The following MINK1 variants were observed in gnomAD, a reference collection of about 807,000 sequenced individuals.
The protein encoded by MINK1 is misshapen-like kinase 1.
A neutral mutation model predicts 178.4 loss-of-function variants in MINK1; 46 were observed. That is an observed-to-expected ratio of 0.26 (90% confidence interval 0.20 to 0.33). The LOEUF (loss-of-function observed/expected upper bound fraction) is 0.33. Among genes scored for constraint, MINK1 ranks in the 10% least tolerant of loss-of-function variants. The pLI is 1.00. For missense variants in MINK1, 1,366 were observed against 1,814.9 expected, an observed-to-expected ratio of 0.75 and a Z score of 4.49; for synonymous variants, 797 against 709.7, an observed-to-expected ratio of 1.12 and a Z score of -1.96.
In MINK1 at chr17:4,896,885, T is replaced by G. The variant is rs758820679; in HGVS notation, c.3915+72T>G. 2.7e-6 allele frequency: 4 copies of G among 1,491,710 alleles called. No individual in the cohort carries two copies. Among genetic ancestry groups the G allele is most frequent in the Non-Finnish European group, 2.7e-6 (3 of 1,122,044 alleles). The allele number at this position is 1,491,710 out of a possible 1,614,324, so 92.4% of individuals were successfully genotyped here. On this transcript the variant is annotated intron_variant, in intron 31 of 31. Transcript: ENST00000355280. This position sits in a 1 kb window ranked among gnomAD's most constrained non-coding sequence, Gnocchi z 4.6. The stretch of plus-strand genomic sequence containing the variant: ...GACCCTAGGCCCCTGGGCAGAGTTC[T>G]GGGGAGAGGATGGTGGTGGTGGCTT...
chr17:4,843,339 A>G lies in MINK1; in HGVS notation c.57+9699A>G, dbSNP rs1017648305. 3.9e-5 allele frequency among the ~76,000 whole-genome samples: 6 copies of G among 152,158 alleles called. 1 individual carries two copies. In the Middle Eastern group the frequency reaches 0.02, roughly 518 times the overall value. The stretch of plus-strand genomic sequence containing the variant: ...TAAAAATACAAAAAATTAGCCAGGC[A>G]TGGTGGGAGGCACCTGTAATCCCAG... On this transcript the variant is annotated intron_variant, in intron 1 of 31. Transcript: ENST00000355280.
intron 1 of MINK1, among the ~76,000 whole-genome samples, chr17:4,862,315 GAAT>G (rs1041817301): frequency 2.0e-5 from 3 of 152,150 alleles, no homozygotes; most frequent in Non-Finnish European, 4.4e-5. Flanking sequence ...TGTAAAGTGA[GAAT>G]AATAATAATA....
chr17:4,841,929 T>C (rs1264261007), intron 1 of MINK1, among the ~76,000 whole-genome samples: 3 of 152,036 alleles, frequency 2.0e-5, no homozygotes, highest in Non-Finnish European at 4.4e-5. Flanking sequence ...GAGGATTAAC[T>C]GTCTTGGGAG....
intron 1 of MINK1, among the ~76,000 whole-genome samples, chr17:4,862,142 T>A (rs1914262908): frequency 6.6e-6 from 1 of 152,126 alleles, no homozygotes. Flanking sequence ...TGTTGTGGTC[T>A]GGCTTGTTGG....
Position 4,891,185 on chromosome 17 carries a change from T to TAC in MINK1, c.1740+70_1740+71dup, listed in dbSNP as rs531380817. 3.7e-4 allele frequency: 447 copies of TAC among 1,208,192 alleles called. 6 individuals carry two copies. In the South Asian group the frequency reaches 7.2e-3, roughly 19 times the overall value. 74.8% of individuals were successfully genotyped at this position (1,208,192 alleles called of 1,614,324 possible). A position where few individuals can be genotyped will look rare whatever the true frequency, so the allele number is the denominator to read the frequency against. The stretch of plus-strand genomic sequence containing the variant: ...CAGGGAGCTTTGTTCAGAGCACAGG[T>TAC]ACACACACACGCGCGCACACACACA... On this transcript the variant is annotated intron_variant, in intron 15 of 31. Coordinates refer to ENST00000355280, the MANE Select transcript of MINK1 (RefSeq NM_153827.5).
At chr17:4,866,614 A>G (rs1158297300) in intron 1 of MINK1, among the ~76,000 whole-genome samples, 17 of 151,536 alleles carry the variant, frequency 1.1e-4, no homozygotes, top group African/African-American at 4.1e-4. Context: ...TCTACCAAAA[A>G]AAAAAAAAAA....
chr17:4,880,530 G>A (rs1308942627), intron 2 of MINK1, among the ~76,000 whole-genome samples: 5 of 148,976 alleles, frequency 3.4e-5, no homozygotes, highest in Admixed American at 6.6e-5. Context: ...CAAGTGATCC[G>A]CCTGCCTCGG....
rs771715354 is a variant in MINK1, at chr17:4,897,663, C to T, written c.*376C>T. ...GCCCTGGACCCCTTTATTTGCACGT[C>T]AGGGGAGCCGGCTCCCCCCTTGAAT... On this transcript the variant is annotated 3_prime_UTR_variant, in exon 32 of 32. Transcript: ENST00000355280. 2.4e-5 allele frequency: 4 copies of T among 169,998 alleles called. No individual in the cohort carries two copies. The highest frequency in any genetic ancestry group is 3.8e-5 in the Non-Finnish European group (3 of 79,810). 10.5% of individuals were successfully genotyped at this position (169,998 alleles called of 1,614,324 possible). A position where few individuals can be genotyped will look rare whatever the true frequency, so the allele number is the denominator to read the frequency against.
At position 4,881,046 on chromosome 17, in the gene MINK1, G is replaced by T. The variant is rs754643081; in HGVS notation, c.180+6G>T. The T allele has an allele frequency of 5.2e-6, 8 of 1,533,466 alleles. No homozygotes were observed. In the Admixed American group the frequency reaches 5.9e-5, roughly 11 times the overall value. 95.0% of individuals were successfully genotyped at this position (1,533,466 alleles called of 1,614,324 possible). A position where few individuals can be genotyped will look rare whatever the true frequency, so the allele number is the denominator to read the frequency against. On this transcript the variant is annotated splice_donor_region_variant and intron_variant, in intron 3 of 31. Coordinates refer to ENST00000355280, the MANE Select transcript of MINK1 (RefSeq NM_153827.5). Reference sequence around the variant, plus strand: ...AGGTCATGGATGTCACGGAGGTAGGGAGTGGAGCTGGGCAGTGGGAGGGTC... The same window carrying T: ...AGGTCATGGATGTCACGGAGGTAGGTAGTGGAGCTGGGCAGTGGGAGGGTC...
At chr17:4,857,363 G>A (rs1597425337) in intron 1 of MINK1, 1 of 156,732 alleles carries the variant, frequency 6.4e-6, no homozygotes, top group Admixed American at 6.5e-5. Flanking sequence ...ACTCGGGGCT[G>A]TTGTTGGACA....
intron 13 of MINK1, 143 bp from the exon 14 acceptor site, chr17:4,890,374 G>T: frequency 6.9e-7 from 1 of 1,443,770 alleles, no homozygotes. Context: ...AACGGGATGG[G>T]AACACTTCAA....
chr17:4,895,250 A>AG lies in MINK1; in HGVS notation c.3085+11dup. 1.9e-6 allele frequency: 3 copies of AG among 1,614,000 alleles called. No individual in the cohort carries two copies. Among genetic ancestry groups the AG allele is most frequent in the Non-Finnish European group, 2.5e-6 (3 of 1,179,928 alleles). ...TCTGTGCAGCCCTTTGGGGTAAGCC[A>AG]GGGCAGGGACAGCTGAGGAGGCTCT... On this transcript the variant is annotated intron_variant, in intron 25 of 31. Transcript: ENST00000355280. The surrounding 1 kb of genome is among the most constrained non-coding windows in gnomAD (Gnocchi z 4.3).
At chr17:4,835,832 T>A (rs1909230181) in intron 1 of MINK1, among the ~76,000 whole-genome samples, 1 of 152,124 alleles carries the variant, frequency 6.6e-6, no homozygotes, top group Non-Finnish European at 1.5e-5. Context: ...CTTGAAGCAA[T>A]GTTAGCCTTC....
chr17:4,865,359 G>A (rs540948174), intron 1 of MINK1, among the ~76,000 whole-genome samples: 2 of 151,980 alleles, frequency 1.3e-5, no homozygotes, highest in South Asian at 2.1e-4. Context: ...CCTTGAACCC[G>A]GGAGGTGGAG....
At chr17:4,838,676 C>T (rs576282189) in intron 1 of MINK1, among the ~76,000 whole-genome samples, 2 of 152,260 alleles carry the variant, frequency 1.3e-5, no homozygotes, top group East Asian at 3.9e-4. Flanking sequence ...AAACATAAAG[C>T]AATTCTGGAC....
chr17:4,891,593 C>T lies in MINK1; in HGVS notation c.1878C>T (p.Pro626=), dbSNP rs1291221974. ...ACCCCGACCCTGCCATCCCCGCACC[C>T]ACTGCCACGCCCAGTGCCCGAGGAG... ...SHDPDPAIPA[P]TATPSARGAV... The change falls in exon 16 of 32, where the codon CCC becomes CCT. Residue 626 remains proline, a synonymous_variant. Transcript: ENST00000355280. 6.2e-7 allele frequency: 1 copy of T among 1,604,874 alleles called. No homozygotes were observed. Among genetic ancestry groups the T allele is most frequent in the South Asian group, 1.1e-5 (1 of 89,312 alleles).
rs760483343 is a variant in MINK1 at position 4,896,530 on chromosome 17, G to C, written c.3717G>C (p.Thr1239=). ...AGGACGAGGGTGTCTACGTCAACACGTACGGGCGCATCATTAAGGATGTGG... is the reference window on the plus strand; with the variant it reads ...AGGACGAGGGTGTCTACGTCAACACCTACGGGCGCATCATTAAGGATGTGG... ...CYEDEGVYVN[T]YGRIIKDVVL... The change falls in exon 30 of 32, where the codon ACG becomes ACC. Residue 1239 remains threonine (T), a synonymous_variant. Transcript: ENST00000355280. This position sits in a 1 kb window ranked among gnomAD's most constrained non-coding sequence, Gnocchi z 4.6. 3.1e-6 allele frequency: 5 copies of C among 1,613,838 alleles called. No individual in the cohort carries two copies. Among genetic ancestry groups the C allele is most frequent in the Non-Finnish European group, 4.2e-6 (5 of 1,179,870 alleles).
Position 4,885,763 on chromosome 17 carries a change from G to T in MINK1, c.640-148G>T, listed in dbSNP as rs1161667397. 3 of 1,395,372 alleles carry T rather than the reference G, an allele frequency of 2.1e-6. No individual in the cohort carries two copies. Among genetic ancestry groups the T allele is most frequent in the Middle Eastern group, 1.8e-4 (1 of 5,560 alleles). 86.4% of individuals were successfully genotyped at this position (1,395,372 alleles called of 1,614,324 possible). ...AACATCTTACGGCAAGGCAAGTGTG[G>T]GTGGGAAGATGGGATGGGTTGGAAG... On this transcript the variant is annotated intron_variant, in intron 7 of 31. Transcript: ENST00000355280. The surrounding 1 kb of genome is among the most constrained non-coding windows in gnomAD (Gnocchi z 5.0).
At position 4,887,523 on chromosome 17, in the gene MINK1, A is replaced by G; in HGVS notation, c.1020-57A>G. ...CCACTCAGGCGGGCCCACGGGGTTG[A>G]GAGTGGGAACCAACAGGGTTCTGAC... On this transcript the variant is annotated intron_variant, in intron 11 of 31. Transcript: ENST00000355280. This position sits in a 1 kb window ranked among gnomAD's most constrained non-coding sequence, Gnocchi z 7.6. 7.0e-7 allele frequency: 1 copy of G among 1,424,950 alleles called. No individual in the cohort carries two copies. Among genetic ancestry groups the G allele is most frequent in the Non-Finnish European group, 9.3e-7 (1 of 1,074,358 alleles). 88.3% of individuals were successfully genotyped at this position (1,424,950 alleles called of 1,614,324 possible).
Sources: gnomAD v4.1 joint callset for allele counts (sites outside exome capture counted in the v4.1 genomes callset) on GRCh38, gnomAD v4.1.1 for gene constraint, Gnocchi (gnomAD v3.1) non-coding constraint, MANE v1.5 for transcripts, NCBI Gene and HGNC (gene_info 2026-07-23, HGNC 2026-07-21) for gene names.